SIGLEC6: variants seen among roughly 807,000 people sequenced by gnomAD.
SIGLEC6 encodes sialic acid-binding Ig-like lectin 6.
Under a neutral mutation model 41.4 loss-of-function variants are expected in SIGLEC6, and 31 were observed. The observed-to-expected ratio is 0.75, with a 90% CI of 0.56 to 1.01. The LOEUF (loss-of-function observed/expected upper bound fraction) is 1.01, where lower values mean the gene tolerates loss of function less well. SIGLEC6 is among the 50% of genes least tolerant of loss of function. The pLI is 0.00. For missense variants in SIGLEC6, 555 were observed against 558.6 expected, an observed-to-expected ratio of 0.99 and a Z score of 0.06; for synonymous variants, 217 against 231.0, an observed-to-expected ratio of 0.94 and a Z score of 0.55.
chr19:51,524,086 A>G (rs1426354788), intron 7 of SIGLEC6, among the ~76,000 whole-genome samples: 3 of 152,244 alleles, frequency 2.0e-5, no homozygotes, highest in African/African-American at 7.2e-5. Flanking sequence ...TAAATATAAA[A>G]GGACAAATAT....
chr19:51,531,183 G>T lies in SIGLEC6; in HGVS notation c.404C>A (p.Ser135Tyr). The change falls in exon 2 of 8, where the codon TCC becomes TAC. Residue 135 changes from serine to tyrosine, a missense_variant. Ser to Tyr is a moderately radical substitution (Grantham distance 144, BLOSUM62 -2). Coordinates refer to ENST00000425629, the MANE Select transcript of SIGLEC6 (RefSeq NM_001245.7). ...SKWMKYGYTS[S>Y]KLSVRVMALT... The stretch of plus-strand genomic sequence containing the variant: ...ACCCATCACACGCACAGAGAGCTTG[G>T]AAGATGTATAACCGTATTTCATCCA... 6.3e-7 allele frequency: 1 copy of T among 1,596,408 alleles called. No homozygotes were observed. Among genetic ancestry groups the T allele is most frequent in the Non-Finnish European group, 8.5e-7 (1 of 1,169,950 alleles).
chr19:51,528,391 G>C, intron 5 of SIGLEC6, 138 bp from the exon 6 acceptor site: 1 of 713,100 alleles, frequency 1.4e-6, no homozygotes, highest in Non-Finnish European at 2.4e-6. Flanking sequence ...CTGTGAACCC[G>C]GAACCAGCCT....
intron 5 of SIGLEC6, 102 bp downstream of exon 5, chr19:51,529,622 G>A (rs1243516534): frequency 3.4e-6 from 5 of 1,476,940 alleles, no homozygotes; most frequent in African/African-American, 2.8e-5. Flanking sequence ...GTTGTGAGGG[G>A]TCTGGGGAGG....
chr19:51,530,017 G>A (rs770081865), intron 4 of SIGLEC6, 36 bp from the exon 5 acceptor site: 1 of 1,542,248 alleles, frequency 6.5e-7, no homozygotes. Context: ...TAGAGATGGG[G>A]TATAGGGGCA....
chr19:51,522,304 T>C (rs1271741840), intron 7 of SIGLEC6, among the ~76,000 whole-genome samples: 1 of 152,208 alleles, frequency 6.6e-6, no homozygotes, highest in African/African-American at 2.4e-5. Context: ...CAACAATTTT[T>C]AAAGGAAGAT....
Position 51,519,127 on chromosome 19 carries a change from C to G in SIGLEC6, c.*955G>C, listed in dbSNP as rs1372659873. The stretch of plus-strand genomic sequence containing the variant: ...TGGCTAACACGGTGAAACCCCGTCT[C>G]TACTAAAAATACAAAAAATTAGCCG... On this transcript the variant is annotated 3_prime_UTR_variant, in exon 8 of 8. Transcript: ENST00000425629. Among the ~76,000 whole-genome samples, 1 of 151,898 alleles carries G rather than the reference C, an allele frequency of 6.6e-6. No individual in the cohort carries two copies.
At chr19:51,530,299 G>T in intron 4 of SIGLEC6, 138 bp downstream of exon 4, 1 of 815,304 alleles carries the variant, frequency 1.2e-6, no homozygotes, top group Non-Finnish European at 1.9e-6. Flanking sequence ...AGGCGACAAA[G>T]GCTGGGGGTG....
chr19:51,527,805 G>A lies in SIGLEC6; in HGVS notation c.1130C>T (p.Ala377Val), dbSNP rs766027103. Residue 377 changes from alanine to valine, a missense_variant, in exon 7 of 8, where the codon GCA (alanine) becomes GTA (valine). Physicochemically the swap from Ala to Val is moderately conservative, Grantham distance 64. Transcript: ENST00000425629. Reference sequence around the variant, plus strand: ...ATCCGTGTTTTGCACTGGCTGGGCTGCTTTCTTCCTTCTAGTCTTCACTCT... The same window carrying A: ...ATCCGTGTTTTGCACTGGCTGGGCTACTTTCTTCCTTCTAGTCTTCACTCT... ...IFRVKTRRKKAAQPVQNTDDV... is the reference protein window; with the variant it reads ...IFRVKTRRKKVAQPVQNTDDV... The A allele has an allele frequency of 1.9e-6, 3 of 1,614,066 alleles. No individual in the cohort carries two copies. In the South Asian group the frequency reaches 3.3e-5, roughly 18 times the overall value.
In SIGLEC6 at chr19:51,518,741, T is replaced by C. The variant is rs1990691716; in HGVS notation, c.*1341A>G. 1.3e-5 allele frequency among the ~76,000 whole-genome samples: 2 copies of C among 152,246 alleles called. No homozygotes were observed. The highest frequency in any genetic ancestry group is 4.8e-5 in the African/African-American group (2 of 41,466). Reference sequence around the variant, plus strand: ...AATGCTTTCTTCAATTTCACTGGAATAGTGGAGACTGGGATTTGTAAGAGG... The same window carrying C: ...AATGCTTTCTTCAATTTCACTGGAACAGTGGAGACTGGGATTTGTAAGAGG... On this transcript the variant is annotated 3_prime_UTR_variant, in exon 8 of 8. Coordinates refer to ENST00000425629, the MANE Select transcript of SIGLEC6 (RefSeq NM_001245.7).
chr19:51,528,152 A>G lies in SIGLEC6; in HGVS notation c.1106+8T>C. 6.2e-7 allele frequency: 1 copy of G among 1,612,682 alleles called. No individual in the cohort carries two copies. The highest frequency in any genetic ancestry group is 8.5e-7 in the Non-Finnish European group (1 of 1,178,942). ...GTCTTTCTGTGCCTCCCTGGAGCCC[A>G]CTCTCACCTGAAGATGAAGCAAACA... On this transcript the variant is annotated splice_region_variant and intron_variant, in intron 6 of 7. Transcript: ENST00000425629.
At chr19:51,525,702 G>A (rs1979103614) in intron 7 of SIGLEC6, among the ~76,000 whole-genome samples, 3 of 152,182 alleles carry the variant, frequency 2.0e-5, no homozygotes, top group African/African-American at 4.8e-5. Context: ...ATACAGAAAG[G>A]AGCCCAGTCT....
rs757459152 is a variant in SIGLEC6 at position 51,529,830 on chromosome 19, C to G, written c.906G>C (p.Gly302=). Residue 302 remains glycine (G), a synonymous_variant, in exon 5 of 8, where the codon GGG becomes GGC. Coordinates refer to ENST00000425629, the MANE Select transcript of SIGLEC6 (RefSeq NM_001245.7). The part of the protein sequence containing the change: ...ALNATPISNT[G]VLELPQVGSA... ...ACCCTACTTGAGGCAGCTCCAGGACCCCGGTATTGGAGATGGGGGTGGCGT... is the reference window on the plus strand; with the variant it reads ...ACCCTACTTGAGGCAGCTCCAGGACGCCGGTATTGGAGATGGGGGTGGCGT... 8 of 1,614,144 alleles carry G rather than the reference C, an allele frequency of 5.0e-6. No homozygotes were observed. The East Asian group carries it at 1.1e-4, about 22-fold the overall frequency.
At chr19:51,526,439 T>C (rs541185687) in intron 7 of SIGLEC6, among the ~76,000 whole-genome samples, 1 of 152,332 alleles carries the variant, frequency 6.6e-6, no homozygotes, top group South Asian at 2.1e-4. Flanking sequence ...AAAAATACTT[T>C]GCTAATATAC....
Position 51,530,764 on chromosome 19 carries a change from TCCTGGGG to T in SIGLEC6, c.616_622del (p.Pro206ThrfsTer10), listed in dbSNP as rs1429309609. 3 of 1,613,990 alleles carry T rather than the reference TCCTGGGG, an allele frequency of 1.9e-6. No homozygotes were observed. The highest frequency in any genetic ancestry group is 2.2e-5 in the South Asian group (2 of 91,084). On this transcript the variant is annotated frameshift_variant, in exon 3 of 8. Coordinates refer to ENST00000425629, the MANE Select transcript of SIGLEC6 (RefSeq NM_001245.7). LOFTEE classifies it high-confidence loss of function. ...CTGACAGGTGAGGTTGGTGCTGTGG[TCCTGGGG>T]CCGTGGGGTGATTGTGAGCACCGAG...
At chr19:51,527,363 C>CT (rs1979405150) in intron 7 of SIGLEC6, among the ~76,000 whole-genome samples, 1 of 152,146 alleles carries the variant, frequency 6.6e-6, no homozygotes, top group Admixed American at 6.5e-5. Context: ...TACTCTAGGG[C>CT]TTGTGTCTAC....
intron 7 of SIGLEC6, among the ~76,000 whole-genome samples, chr19:51,525,107 G>C (rs911742143): frequency 1.1e-4 from 16 of 152,194 alleles, no homozygotes; most frequent in African/African-American, 3.9e-4. Flanking sequence ...AGAGAGGCCA[G>C]GTTCTCTCAC....
Position 51,519,948 on chromosome 19 carries a change from C to G in SIGLEC6, c.*134G>C, listed in dbSNP as rs1163787310. On this transcript the variant is annotated 3_prime_UTR_variant, in exon 8 of 8. Coordinates refer to ENST00000425629, the MANE Select transcript of SIGLEC6 (RefSeq NM_001245.7). ...CACCTTGTTCTCAGACCTCTAACAT[C>G]TGAAACTATACGAAAATAAAGTTCT... The G allele has an allele frequency of 1.3e-6, 1 of 788,040 alleles. No homozygotes were observed. The highest frequency in any genetic ancestry group is 1.9e-6 in the Non-Finnish European group (1 of 534,320). 48.8% of individuals were successfully genotyped at this position (788,040 alleles called of 1,614,324 possible). A position where few individuals can be genotyped will look rare whatever the true frequency, so the allele number is the denominator to read the frequency against.
intron 7 of SIGLEC6, among the ~76,000 whole-genome samples, chr19:51,524,232 T>C (rs1184205554): frequency 6.6e-6 from 1 of 152,210 alleles, no homozygotes; most frequent in Non-Finnish European, 1.5e-5. Context: ...AAATGTGATA[T>C]CTGTAAGACA....
rs1013676100 is a variant in SIGLEC6 at position 51,517,849 on chromosome 19, G to T, written c.*2233C>A. Among the ~76,000 whole-genome samples, 1 of 151,714 alleles carries T rather than the reference G, an allele frequency of 6.6e-6. No individual in the cohort carries two copies. The highest frequency in any genetic ancestry group is 1.5e-5 in the Non-Finnish European group (1 of 67,910). ...TTCATCATAACATTTAATTTTCTCT[G>T]GAAAAATATAAAGACTTTATGTAAT... On this transcript the variant is annotated 3_prime_UTR_variant, in exon 8 of 8. Transcript: ENST00000425629.
Sources: allele counts gnomAD v4.1 joint callset (sites outside exome capture counted in the v4.1 genomes callset), GRCh38; gene constraint gnomAD v4.1.1; transcripts MANE v1.5; gene names NCBI Gene and HGNC (gene_info 2026-07-23, HGNC 2026-07-21).